Variants in GRM8 observed in about 807,000 individuals in gnomAD.
GRM8 encodes metabotropic glutamate receptor 8.
A neutral mutation model predicts 87.2 loss-of-function variants in GRM8; 47 were observed. The observed-to-expected ratio is 0.54, with a 90% CI of 0.43 to 0.69. The LOEUF is 0.69. Ranked by LOEUF, GRM8 falls within the 30% of genes least tolerant of loss-of-function variation. GRM8 has a pLI of 0.00. For missense variants in GRM8, 1,019 were observed against 1,139.2 expected, an observed-to-expected ratio of 0.89 and a Z score of 1.52; for synonymous variants, 396 against 404.5, an observed-to-expected ratio of 0.98 and a Z score of 0.25.
At chr7:126,523,223 T>C (rs903392759) in intron 9 of GRM8, among the ~76,000 whole-genome samples, 3 of 152,226 alleles carry the variant, frequency 2.0e-5, no homozygotes, top group Non-Finnish European at 4.4e-5. Context: ...TGTACCTTTA[T>C]GTTGTCTTAG....
At chr7:126,794,368 T>A (rs1206315068) in intron 6 of GRM8, among the ~76,000 whole-genome samples, 1 of 152,108 alleles carries the variant, frequency 6.6e-6, no homozygotes, top group Non-Finnish European at 1.5e-5. Context: ...TTTTCTCCAG[T>A]TACCAAAGAT....
At chr7:127,188,736 A>G (rs1794868587) in intron 2 of GRM8, among the ~76,000 whole-genome samples, 1 of 152,206 alleles carries the variant, frequency 6.6e-6, no homozygotes, top group South Asian at 2.1e-4. Flanking sequence ...TTGTTAATAA[A>G]TCAAGCAATT....
At chr7:126,933,079 A>C (rs1411519302) in intron 3 of GRM8, among the ~76,000 whole-genome samples, 1 of 152,204 alleles carries the variant, frequency 6.6e-6, no homozygotes, top group Admixed American at 6.5e-5. Flanking sequence ...TCTCTAAGGA[A>C]TTATGTGTGC....
At chr7:126,691,712 C>T (rs2151373545) in intron 7 of GRM8, among the ~76,000 whole-genome samples, 1 of 152,148 alleles carries the variant, frequency 6.6e-6, no homozygotes, top group African/African-American at 2.4e-5. Context: ...ATACTGGGGC[C>T]CCCACAAGGA....
At chr7:126,472,871 C>T (rs559099102) in intron 9 of GRM8, among the ~76,000 whole-genome samples, 10 of 152,274 alleles carry the variant, frequency 6.6e-5, no homozygotes, top group Non-Finnish European at 1.2e-4. Context: ...CAGCTCAGGC[C>T]ATTGCTTCAG....
At chr7:126,462,128 T>C (rs1803956849) in intron 9 of GRM8, among the ~76,000 whole-genome samples, 1 of 151,634 alleles carries the variant, frequency 6.6e-6, no homozygotes, top group Admixed American at 6.6e-5. Flanking sequence ...TTGTTCCAAG[T>C]ATATTTTAAA....
intron 7 of GRM8, among the ~76,000 whole-genome samples, chr7:126,727,344 A>G (rs1160768695): frequency 6.6e-6 from 1 of 151,988 alleles, no homozygotes; most frequent in Admixed American, 6.6e-5. Context: ...ATTTAGAAAA[A>G]ATATTTGATT....
chr7:126,504,624 C>A (rs569281861), intron 9 of GRM8, among the ~76,000 whole-genome samples: 4 of 152,118 alleles, frequency 2.6e-5, no homozygotes, highest in Non-Finnish European at 4.4e-5. Context: ...ATATAACAAA[C>A]CTGCACATGT....
intron 6 of GRM8, among the ~76,000 whole-genome samples, chr7:126,857,198 A>G (rs1797763544): frequency 6.6e-6 from 1 of 152,202 alleles, no homozygotes; most frequent in Non-Finnish European, 1.5e-5. Context: ...CCACAACTAG[A>G]CAGGAGGGTA....
chr7:126,921,655 T>C (rs924359526), intron 3 of GRM8, among the ~76,000 whole-genome samples: 1 of 152,010 alleles, frequency 6.6e-6, no homozygotes, highest in Non-Finnish European at 1.5e-5. Flanking sequence ...CAGAAGAAAA[T>C]GGAGCAATGC....
chr7:126,754,526 C>G (rs1282040180), intron 7 of GRM8, among the ~76,000 whole-genome samples: 1 of 151,888 alleles, frequency 6.6e-6, no homozygotes, highest in East Asian at 1.9e-4. Flanking sequence ...ATCCCAGTCA[C>G]TGTTCAAAGA....
At chr7:127,093,429 AG>A (rs1824346153) in intron 3 of GRM8, among the ~76,000 whole-genome samples, 1 of 152,232 alleles carries the variant, frequency 6.6e-6, no homozygotes, top group Non-Finnish European at 1.5e-5. Flanking sequence ...AACATTTTAA[AG>A]GGGAAAACAG....
intron 2 of GRM8, among the ~76,000 whole-genome samples, chr7:127,238,785 C>T (rs970883442): frequency 3.3e-5 from 5 of 152,204 alleles, no homozygotes; most frequent in Non-Finnish European, 5.9e-5. Flanking sequence ...GATGACACCA[C>T]TTCCCTCTAG....
chr7:127,224,083 A>G (rs17869611), intron 2 of GRM8, among the ~76,000 whole-genome samples: 8,147 of 152,164 alleles, frequency 0.054, 504 homozygotes, highest in East Asian at 0.16. Context: ...GAACTACAAA[A>G]AAAAGATGTT....
chr7:127,192,164 GAAT>G (rs1363307371), intron 2 of GRM8, among the ~76,000 whole-genome samples: 3 of 152,192 alleles, frequency 2.0e-5, no homozygotes, highest in Non-Finnish European at 4.4e-5. Context: ...CTGGGGCACA[GAAT>G]ATATGTGAAA....
Position 126,654,231 on chromosome 7 carries a change from G to T in GRM8, c.1358-44733C>A, listed in dbSNP as rs373324635. ...GGTCTTTCTGGCTTATGGTTATACT[G>T]ATCGCCCCTGGTGACTTGTGTGTGA... is the stretch of plus-strand genomic sequence containing the variant. On this transcript the variant is annotated intron_variant, in intron 7 of 10. Coordinates refer to ENST00000339582, the MANE Select transcript of GRM8 (RefSeq NM_000845.3). Among the ~76,000 whole-genome samples the T allele has an allele frequency of 3.9e-5, 6 of 152,284 alleles. No homozygotes were observed. In the East Asian group the frequency reaches 1.2e-3, roughly 29 times the overall value.
At chr7:126,825,554 A>T (rs1794686302) in intron 6 of GRM8, among the ~76,000 whole-genome samples, 1 of 152,196 alleles carries the variant, frequency 6.6e-6, no homozygotes, top group Non-Finnish European at 1.5e-5. Context: ...TTCCACCATG[A>T]ATAGCCTCAG....
intron 8 of GRM8, among the ~76,000 whole-genome samples, chr7:126,587,827 A>G (rs921523146): frequency 9.2e-5 from 14 of 152,118 alleles, no homozygotes; most frequent in Non-Finnish European, 1.6e-4. Flanking sequence ...GTATCATAAA[A>G]AAAAGAAAAA....
intron 2 of GRM8, among the ~76,000 whole-genome samples, chr7:127,150,535 A>C (rs1343796492): frequency 6.6e-6 from 1 of 152,282 alleles, no homozygotes; most frequent in Non-Finnish European, 1.5e-5. Context: ...GGTGGTGCCC[A>C]GTGCTACACT....
Sources: allele counts gnomAD v4.1 joint callset (sites outside exome capture counted in the v4.1 genomes callset), GRCh38; gene constraint gnomAD v4.1.1; transcripts MANE v1.5; gene names NCBI Gene and HGNC (gene_info 2026-07-23, HGNC 2026-07-21).